NBEAL2: variants seen among roughly 807,000 people sequenced by gnomAD.
NBEAL2 encodes neurobeachin like 2, also known as neurobeachin-like protein 2.
Under a neutral mutation model 299.8 loss-of-function variants are expected in NBEAL2, and 160 were observed. The observed-to-expected ratio is 0.53, with a 90% CI of 0.47 to 0.61. The LOEUF is 0.61. Among genes scored for constraint, NBEAL2 ranks in the 20% least tolerant of loss-of-function variants. NBEAL2 has a pLI of 0.00. For synonymous variants in NBEAL2, 1,493 were observed against 1,542.3 expected (o/e 0.97, Z 0.75); for missense variants, 3,112 against 3,649.0 (o/e 0.85, Z 3.79).
intron 9 of NBEAL2, among the ~76,000 whole-genome samples, 163 bp downstream of exon 9, chr3:46,992,109 A>T (rs1433075063): frequency 6.6e-6 from 1 of 152,132 alleles, no homozygotes; most frequent in East Asian, 1.9e-4. Context: ...GGGCATGGAC[A>T]AGGGCCCATC....
At position 47,000,112 on chromosome 3, in the gene NBEAL2, C is replaced by G. The variant is rs377312758; in HGVS notation, c.4013C>G (p.Pro1338Arg). The G allele has an allele frequency of 2.5e-6, 4 of 1,613,698 alleles. No individual in the cohort carries two copies. In the African/African-American group the frequency reaches 5.3e-5, roughly 22 times the overall value. ...PSDVFLPSEA[P>R]CPDPDGFYHA... is the part of the protein sequence containing the mutation. ...GATGTCTTCCTGCCCTCAGAGGCCC[C>G]CTGCCCTGACCCTGATGGCTTTTAC... The change falls in exon 27 of 54, where the codon CCC becomes CGC. Residue 1338 changes from proline (P) to arginine (R), a missense_variant. Pro to Arg is a moderately radical substitution (Grantham distance 103). Transcript: ENST00000450053. This position sits in a 1 kb window ranked among gnomAD's most constrained non-coding sequence, Gnocchi z 4.5.
At position 46,989,460 on chromosome 3, in the gene NBEAL2, G is replaced by GGCCAGGAGTGGTGAGA; in HGVS notation, c.474-47_474-32dup. ...CGCGCTGGGCCCAAGGAGGGGTGAC[G>GGCCAGGAGTGGTGAGA]GCCAGGAGTGGTGAGAGCCGGGCTG... On this transcript the variant is annotated intron_variant, in intron 5 of 53. Coordinates refer to ENST00000450053, the MANE Select transcript of NBEAL2 (RefSeq NM_015175.3). This position sits in a 1 kb window ranked among gnomAD's most constrained non-coding sequence, Gnocchi z 5.5. 2 of 1,565,842 alleles carry GGCCAGGAGTGGTGAGA rather than the reference G, an allele frequency of 1.3e-6. No individual in the cohort carries two copies. Among genetic ancestry groups the GGCCAGGAGTGGTGAGA allele is most frequent in the African/African-American group, 1.4e-5 (1 of 73,660 alleles).
In NBEAL2 at chr3:46,979,860, C is replaced by A; in HGVS notation, c.-2C>A. 2.1e-6 allele frequency: 1 copy of A among 467,576 alleles called. No homozygotes were observed. The highest frequency in any genetic ancestry group is 3.7e-5 in the South Asian group (1 of 27,042). The allele number at this position is 467,576 out of a possible 1,614,324, so 29.0% of individuals were successfully genotyped here. On this transcript the variant is annotated 5_prime_UTR_variant, in exon 1 of 54. Coordinates refer to ENST00000450053, the MANE Select transcript of NBEAL2 (RefSeq NM_015175.3). ...GCAGCAGGGCCGGAGCCGGGCCGGG[C>A]CATGGCCGCCTCGGAGCGGCTGTAC...
chr3:46,979,704 G>A lies in NBEAL2; in HGVS notation c.-158G>A, dbSNP rs2035164752. The stretch of plus-strand genomic sequence containing the variant: ...AGCGAGCAGACTTGGGTGGCTCTGC[G>A]CCGCGGAGGCCACAGCCGCAGACTT... On this transcript the variant is annotated 5_prime_UTR_variant, in exon 1 of 54. Transcript: ENST00000450053. 6.5e-6 allele frequency: 2 copies of A among 308,786 alleles called. No individual in the cohort carries two copies. The highest frequency in any genetic ancestry group is 5.1e-5 in the Admixed American group (1 of 19,702). 19.1% of individuals were successfully genotyped at this position (308,786 alleles called of 1,614,324 possible).
At chr3:46,999,198 G>C in intron 24 of NBEAL2, 81 bp downstream of exon 24, 1 of 1,534,698 alleles carries the variant, frequency 6.5e-7, no homozygotes, top group South Asian at 1.2e-5. Flanking sequence ...AGCAGGCCTT[G>C]GGCCAGCGGA....
chr3:46,983,391 C>T (rs938864075), intron 1 of NBEAL2, among the ~76,000 whole-genome samples: 9 of 149,694 alleles, frequency 6.0e-5, no homozygotes, highest in African/African-American at 2.0e-4. Context: ...TTCACTGCAA[C>T]CTCTGCCTCC....
In NBEAL2 at chr3:46,997,616, C is replaced by T. The variant is rs760253243; in HGVS notation, c.2880C>T (p.Phe960=). The T allele has an allele frequency of 3.8e-6, 6 of 1,599,822 alleles. No individual in the cohort carries two copies. In the African/African-American group the frequency reaches 4.0e-5, roughly 11 times the overall value. ...CTTTTCTGCTGATGCTGCGGAACTT[C>T]CTTCAGGGTCACATGGTGAACCAAG... The part of the protein sequence containing the change: ...VAAFLLMLRN[F]LQGHMVNQES... Residue 960 remains phenylalanine (F), a synonymous_variant, in exon 20 of 54, where the codon TTC becomes TTT. Coordinates refer to ENST00000450053, the MANE Select transcript of NBEAL2 (RefSeq NM_015175.3).
chr3:46,997,835 G>A (rs972487357), intron 20 of NBEAL2, 141 bp downstream of exon 20: 11 of 1,300,592 alleles, frequency 8.5e-6, no homozygotes, highest in African/African-American at 4.5e-5. Context: ...GGCCGAGCAG[G>A]GTTGGGTCTG....
intron 20 of NBEAL2, 30 bp from the exon 21 acceptor site, chr3:46,998,037 G>T (rs758346958): frequency 6.5e-7 from 1 of 1,542,242 alleles, no homozygotes; most frequent in African/African-American, 1.4e-5. Flanking sequence ...CAGAGCCTGA[G>T]CCCTCACTCC....
intron 1 of NBEAL2, among the ~76,000 whole-genome samples, chr3:46,985,018 G>A (rs1158575016): frequency 6.6e-6 from 1 of 152,208 alleles, no homozygotes; most frequent in Non-Finnish European, 1.5e-5. Context: ...CTGGACTCCG[G>A]AACCCATGCC....
chr3:46,992,052 G>A, intron 9 of NBEAL2, 106 bp downstream of exon 9: 1 of 1,030,266 alleles, frequency 9.7e-7, no homozygotes, highest in Non-Finnish European at 1.5e-6. Context: ...GACAGAGTCA[G>A]TGTTTTGCAG....
intron 1 of NBEAL2, among the ~76,000 whole-genome samples, chr3:46,986,305 T>G (rs1031540306): frequency 6.6e-6 from 1 of 152,140 alleles, no homozygotes; most frequent in African/African-American, 2.4e-5. Flanking sequence ...GACCCACCCC[T>G]GTGCTGGGAA....
At chr3:47,007,741 T>C in intron 48 of NBEAL2, 44 bp downstream of exon 48, 1 of 1,609,310 alleles carries the variant, frequency 6.2e-7, no homozygotes, top group Non-Finnish European at 8.5e-7. Flanking sequence ...CACACAGGTA[T>C]GGGGCCGGGT....
At chr3:46,986,788 G>GTACA (rs1156323890) in intron 1 of NBEAL2, among the ~76,000 whole-genome samples, 1 of 152,148 alleles carries the variant, frequency 6.6e-6, no homozygotes, top group Non-Finnish European at 1.5e-5. Context: ...ATCCTCAAAG[G>GTACA]TACACTGAAG....
Position 46,995,075 on chromosome 3 carries a change from G to T in NBEAL2, c.1340G>T (p.Arg447Leu), listed in dbSNP as rs17079425. ...DHSMCPPPPI[R>L]NEQPVLVLAQ... is the part of the protein sequence containing the mutation. ...AGCATGTGCCCACCTCCACCAATCC[G>T]CAACGAGCAGCCGGTACTGGTGCTG... Residue 447 changes from arginine to leucine, a missense_variant, in exon 13 of 54, where the codon CGC (arginine) becomes CTC (leucine). Coordinates refer to ENST00000450053, the MANE Select transcript of NBEAL2 (RefSeq NM_015175.3). 1.9e-6 allele frequency: 3 copies of T among 1,559,066 alleles called. No homozygotes were observed. The highest frequency in any genetic ancestry group is 2.4e-5 in the East Asian group (1 of 41,792).
Position 47,001,639 on chromosome 3 carries a change from C to T in NBEAL2, c.4645-50C>T. Reference sequence around the variant, plus strand: ...CTTTACTTTGCTCCCTTTCCATGGACTCCTGGCCTCCCCTGGTGATGTCTG... The same window carrying T: ...CTTTACTTTGCTCCCTTTCCATGGATTCCTGGCCTCCCCTGGTGATGTCTG... On this transcript the variant is annotated intron_variant, in intron 29 of 53. Coordinates refer to ENST00000450053, the MANE Select transcript of NBEAL2 (RefSeq NM_015175.3). The surrounding 1 kb of genome is among the most constrained non-coding windows in gnomAD (Gnocchi z 6.1). 6.2e-7 allele frequency: 1 copy of T among 1,600,746 alleles called. No homozygotes were observed. The highest frequency in any genetic ancestry group is 2.2e-5 in the East Asian group (1 of 44,540).
At position 46,988,554 on chromosome 3, in the gene NBEAL2, C is replaced by A; in HGVS notation, c.52-115C>A. On this transcript the variant is annotated intron_variant, in intron 1 of 53. Coordinates refer to ENST00000450053, the MANE Select transcript of NBEAL2 (RefSeq NM_015175.3). The surrounding 1 kb of genome is among the most constrained non-coding windows in gnomAD (Gnocchi z 4.4). Reference sequence around the variant, plus strand: ...CTCCACTCTGCCTTTAACCCCTTGTCCATGCCCTCTGTCCACCTCCATTCA... The same window carrying A: ...CTCCACTCTGCCTTTAACCCCTTGTACATGCCCTCTGTCCACCTCCATTCA... The A allele has an allele frequency of 1.6e-6, 1 of 633,396 alleles. No individual in the cohort carries two copies. The allele number at this position is 633,396 out of a possible 1,614,324, so 39.2% of individuals were successfully genotyped here.
rs1575623184 is a variant in NBEAL2 at position 47,005,221 on chromosome 3, T to C, written c.6460T>C (p.Phe2154Leu). Residue 2154 changes from phenylalanine (F) to leucine (L), a missense_variant, in exon 40 of 54, where the codon TTC (phenylalanine) becomes CTC (leucine). Physicochemically the swap from Phe to Leu is conservative, Grantham distance 22. Coordinates refer to ENST00000450053, the MANE Select transcript of NBEAL2 (RefSeq NM_015175.3). ...GGACCCAGCAGGGACCATTGACAAG[T>C]TCCACTATGGCACCCACTACTCCAA... ...FEDPAGTIDK[F>L]HYGTHYSNAA... The C allele has an allele frequency of 1.2e-6, 2 of 1,613,640 alleles. 1 individual carries two copies. The highest frequency in any genetic ancestry group is 2.2e-5 in the South Asian group (2 of 91,084).
chr3:47,001,596 C>T lies in NBEAL2; in HGVS notation c.4645-93C>T. 6.3e-7 allele frequency: 1 copy of T among 1,579,286 alleles called. No homozygotes were observed. The highest frequency in any genetic ancestry group is 8.6e-7 in the Non-Finnish European group (1 of 1,161,150). On this transcript the variant is annotated intron_variant, in intron 29 of 53. Transcript: ENST00000450053. The surrounding 1 kb of genome is among the most constrained non-coding windows in gnomAD (Gnocchi z 6.1). The stretch of plus-strand genomic sequence containing the variant: ...GACTTGCCTGTGTGCACAAACCCTA[C>T]CTGGCCCCCAGCGCAAACTTTACTT...
Sources: allele counts gnomAD v4.1 joint callset (sites outside exome capture counted in the v4.1 genomes callset), GRCh38; gene constraint gnomAD v4.1.1; non-coding constraint Gnocchi (gnomAD v3.1); transcripts MANE v1.5; gene names NCBI Gene and HGNC (gene_info 2026-07-23, HGNC 2026-07-21).